Variants in EYS observed in about 807,000 individuals in gnomAD.
The protein encoded by EYS is EGF-like photoreceptor maintenance factor.
A neutral mutation model predicts 282.1 loss-of-function variants in EYS; 250 were observed. The observed-to-expected ratio is 0.89, with a 90% CI of 0.80 to 0.98. The LOEUF is 0.98. Among genes scored for constraint, EYS ranks in the 50% least tolerant of loss-of-function variants. The pLI, the probability that EYS is intolerant of heterozygous loss-of-function variation, is 0.00. For synonymous variants in EYS, 1,355 were observed against 1,282.9 expected (o/e 1.06, Z -1.20); for missense variants, 4,016 against 3,709.0 (o/e 1.08, Z -2.15).
chr6:64,840,932 G>T (rs188045433), intron 19 of EYS, among the ~76,000 whole-genome samples: 2 of 152,168 alleles, frequency 1.3e-5, no homozygotes, highest in Admixed American at 1.3e-4. Flanking sequence ...GAACTACACA[G>T]CACACAGCAG....
chr6:64,380,385 T>G (rs6454813), intron 29 of EYS, among the ~76,000 whole-genome samples: 109,011 of 151,960 alleles, frequency 0.72, 39,309 homozygotes, highest in African/African-American at 0.79. Context: ...AACTCAGTAC[T>G]GATGTTGCTC....
At chr6:65,230,448 C>A (rs1326727886) in intron 12 of EYS, among the ~76,000 whole-genome samples, 5 of 151,898 alleles carry the variant, frequency 3.3e-5, no homozygotes, top group South Asian at 2.1e-4. Context: ...GTTTTCCCCC[C>A]AGAAGATTAT....
chr6:65,331,238 A>C, intron 11 of EYS: 2 of 687,932 alleles, frequency 2.9e-6, no homozygotes, highest in African/African-American at 1.9e-5. Context: ...GGGAAGAATT[A>C]ATATTTTAGC....
At chr6:64,373,891 T>G (rs1448263614) in intron 29 of EYS, among the ~76,000 whole-genome samples, 2 of 152,030 alleles carry the variant, frequency 1.3e-5, no homozygotes, top group African/African-American at 4.8e-5. Context: ...AGCCGTGCTC[T>G]CCAGCTGAGT....
chr6:64,324,324 C>T lies in EYS; in HGVS notation c.6079-17242G>A, dbSNP rs148859955. ...TTATTTTTGGGATGCAAAGTTGGTT[C>T]AACATATGCAAATCAATAAATGTGA... is the stretch of plus-strand genomic sequence containing the variant. On this transcript the variant is annotated intron_variant, in intron 29 of 42. Transcript: ENST00000503581. 2.4e-3 allele frequency among the ~76,000 whole-genome samples: 363 copies of T among 152,236 alleles called. 2 individuals carry two copies. The highest frequency in any genetic ancestry group is 8.4e-3 in the African/African-American group (348 of 41,532).
chr6:65,301,582 C>T (rs1311428169), intron 11 of EYS, among the ~76,000 whole-genome samples: 3 of 152,196 alleles, frequency 2.0e-5, no homozygotes, highest in African/African-American at 4.8e-5. Context: ...ATAGTGTCAT[C>T]GGTTCGGGTC....
intron 31 of EYS, among the ~76,000 whole-genome samples, chr6:64,200,869 G>A (rs572544702): frequency 2.0e-5 from 3 of 152,100 alleles, no homozygotes; most frequent in East Asian, 3.9e-4. Flanking sequence ...GTCTCCAAAG[G>A]CTTTGGGATA....
At chr6:65,268,991 T>G (rs1473346190) in intron 12 of EYS, among the ~76,000 whole-genome samples, 2 of 152,070 alleles carry the variant, frequency 1.3e-5, no homozygotes, top group Non-Finnish European at 2.9e-5. Flanking sequence ...TTACAAATAT[T>G]TAAAGAATAA....
intron 40 of EYS, among the ~76,000 whole-genome samples, chr6:63,770,983 G>T (rs983181696): frequency 6.6e-6 from 1 of 152,134 alleles, no homozygotes; most frequent in African/African-American, 2.4e-5. Flanking sequence ...CTCACAGAGT[G>T]TAAGAAGGAT....
rs1768398665 is a variant in EYS, at chr6:63,721,659, A to C, written c.8372T>G (p.Val2791Gly). The C allele has an allele frequency of 6.4e-7, 1 of 1,551,188 alleles. No individual in the cohort carries two copies. The highest frequency in any genetic ancestry group is 8.7e-7 in the Non-Finnish European group (1 of 1,146,726). The change falls in exon 43 of 43, where the codon GTT (valine) becomes GGT (glycine). Residue 2791 changes from valine (V) to glycine (G), a missense_variant. By Grantham distance (109) the Val-to-Gly change is moderately radical. Coordinates refer to ENST00000503581, the MANE Select transcript of EYS (RefSeq NM_001142800.2). ...TAGATCCAGGTAGCCTTCTGCACCA[A>C]CTCTTCCTGCTTTTATTATATGCCA... The part of the protein sequence containing the change: ...STWHIIKAGR[V>G]GAEGYLDLDG...
chr6:65,223,986 C>T (rs934524603), intron 12 of EYS, among the ~76,000 whole-genome samples: 1 of 152,148 alleles, frequency 6.6e-6, no homozygotes, highest in Non-Finnish European at 1.5e-5. Context: ...AGTGTCCTGT[C>T]TCACTAGACT....
chr6:64,658,848 G>A (rs1189230007), intron 22 of EYS, among the ~76,000 whole-genome samples: 1 of 152,160 alleles, frequency 6.6e-6, no homozygotes, highest in Non-Finnish European at 1.5e-5. Flanking sequence ...AAGGTAACAA[G>A]GATATCCAGG....
chr6:64,657,767 T>C (rs9354007), intron 22 of EYS, among the ~76,000 whole-genome samples: 6,394 of 152,252 alleles, frequency 0.042, 308 homozygotes, highest in East Asian at 0.11. Context: ...ACCCAACCTT[T>C]CTCTCTGGCT....
chr6:65,626,253 C>T (rs1766685674), intron 2 of EYS, among the ~76,000 whole-genome samples: 1 of 152,168 alleles, frequency 6.6e-6, no homozygotes, highest in South Asian at 2.1e-4. Context: ...TGTAGTTCAT[C>T]AAGTCACACA....
At chr6:64,388,243 A>G (rs1182974082) in intron 29 of EYS, among the ~76,000 whole-genome samples, 1 of 151,974 alleles carries the variant, frequency 6.6e-6, no homozygotes, top group Admixed American at 6.6e-5. Context: ...TGTGGGAAAA[A>G]CTCTGTAATA....
intron 12 of EYS, among the ~76,000 whole-genome samples, chr6:65,086,911 C>T (rs1429072993): frequency 6.6e-6 from 1 of 151,974 alleles, no homozygotes; most frequent in Non-Finnish European, 1.5e-5. Context: ...GCACCTCCAC[C>T]TCCCAGGTTC....
intron 35 of EYS, among the ~76,000 whole-genome samples, chr6:63,936,074 T>C (rs1765048049): frequency 1.3e-5 from 2 of 152,244 alleles, no homozygotes; most frequent in Non-Finnish European, 2.9e-5. Flanking sequence ...TATATTGTGA[T>C]ATTTGTTTTA....
chr6:64,486,976 G>A (rs1776594442), intron 26 of EYS, among the ~76,000 whole-genome samples: 1 of 151,192 alleles, frequency 6.6e-6, no homozygotes, highest in Non-Finnish European at 1.5e-5. Context: ...ACATAGCTAG[G>A]ATAATTATTC....
At chr6:64,042,196 C>G (rs1217571890) in intron 33 of EYS, among the ~76,000 whole-genome samples, 1 of 152,120 alleles carries the variant, frequency 6.6e-6, no homozygotes, top group Admixed American at 6.5e-5. Context: ...GACTTGGAGT[C>G]ATTTGTAGAA....
Sources: allele counts gnomAD v4.1 joint callset (sites outside exome capture counted in the v4.1 genomes callset), GRCh38; gene constraint gnomAD v4.1.1; transcripts MANE v1.5; gene names NCBI Gene and HGNC (gene_info 2026-07-23, HGNC 2026-07-21).